Variants in SYT16 observed in about 807,000 individuals in gnomAD.
SYT16 encodes synaptotagmin-16.
SYT16 carries 42 observed loss-of-function variants against 61.4 expected under a neutral mutation model. That is an observed-to-expected ratio of 0.68 (90% confidence interval 0.53 to 0.89). The LOEUF (loss-of-function observed/expected upper bound fraction) is 0.89, where lower values mean the gene tolerates loss of function less well. SYT16 is among the 40% of genes least tolerant of loss of function. The pLI is 0.00. For synonymous variants in SYT16, 314 were observed against 302.3 expected, an observed-to-expected ratio of 1.04 and a Z score of -0.40; for missense variants, 804 against 807.3, an observed-to-expected ratio of 1.00 and a Z score of 0.05.
intron 7 of SYT16, among the ~76,000 whole-genome samples, chr14:62,092,820 C>T (rs2057136447): frequency 1.3e-5 from 2 of 151,694 alleles, no homozygotes; most frequent in African/African-American, 4.8e-5. Context: ...TGATTTTGTA[C>T]AACATTATGA....
At position 61,996,485 on chromosome 14, in the gene SYT16, C is replaced by A. The variant is rs759843963; in HGVS notation, c.466C>A (p.His156Asn). 44 of 1,613,034 alleles carry A rather than the reference C, an allele frequency of 2.7e-5. No individual in the cohort carries two copies. Among genetic ancestry groups the A allele is most frequent in the Non-Finnish European group, 3.6e-5 (43 of 1,179,448 alleles). ...TGAAAAGCAAAGAAGTGGCCTTCAA[C>A]ATGGCTTTGACAGCCAGCTCCCTGG... The part of the protein sequence containing the change: ...HLEKQRSGLQ[H>N]GFDSQLPGTL... Residue 156 changes from histidine (H) to asparagine (N), a missense_variant, in exon 3 of 8, where the codon CAT (histidine) becomes AAT (asparagine). His to Asn is a moderately conservative substitution (Grantham distance 68). Transcript: ENST00000683842.
At chr14:61,852,175 A>G (rs917685562) in intron 1 of SYT16, among the ~76,000 whole-genome samples, 1 of 151,340 alleles carries the variant, frequency 6.6e-6, no homozygotes, top group Non-Finnish European at 1.5e-5. Context: ...TAAATAGGGA[A>G]TCCTTTCCCC....
At chr14:62,016,132 A>G (rs1595162490) in intron 3 of SYT16, among the ~76,000 whole-genome samples, 1 of 152,264 alleles carries the variant, frequency 6.6e-6, no homozygotes, top group Non-Finnish European at 1.5e-5. Context: ...CCTCCTGAGC[A>G]TGCTCCAGGA....
At chr14:61,834,671 A>C (rs1165863937) in intron 1 of SYT16, among the ~76,000 whole-genome samples, 1 of 151,800 alleles carries the variant, frequency 6.6e-6, no homozygotes, top group Non-Finnish European at 1.5e-5. Flanking sequence ...TCCTGACCTC[A>C]GGTGATCTGC....
intron 1 of SYT16, among the ~76,000 whole-genome samples, chr14:61,850,005 A>G (rs1159497761): frequency 6.6e-6 from 1 of 152,106 alleles, no homozygotes; most frequent in East Asian, 1.9e-4. Flanking sequence ...ATTCCCACCA[A>G]CAATATGAGT....
At chr14:61,826,368 A>T (rs1270442194) in intron 1 of SYT16, among the ~76,000 whole-genome samples, 1 of 152,134 alleles carries the variant, frequency 6.6e-6, no homozygotes, top group Admixed American at 6.5e-5. Context: ...GGTGTCAGGA[A>T]TAGAGTGTTT....
At chr14:61,977,807 A>C (rs2051883270) in intron 2 of SYT16, among the ~76,000 whole-genome samples, 1 of 152,184 alleles carries the variant, frequency 6.6e-6, no homozygotes, top group Non-Finnish European at 1.5e-5. Context: ...GGGATGTATT[A>C]GTTTCCTATG....
chr14:62,081,871 A>C (rs371707430), intron 6 of SYT16, among the ~76,000 whole-genome samples: 25 of 152,290 alleles, frequency 1.6e-4, no homozygotes, highest in African/African-American at 4.1e-4. Context: ...AAACCACGTT[A>C]ACAGATCAGG....
intron 1 of SYT16, among the ~76,000 whole-genome samples, chr14:61,886,178 A>G (rs905473672): frequency 6.6e-6 from 1 of 151,782 alleles, no homozygotes; most frequent in Non-Finnish European, 1.5e-5. Flanking sequence ...GTTGGCCAGG[A>G]TGGTCTCGAT....
chr14:62,062,131 G>A (rs1054690407), intron 3 of SYT16, among the ~76,000 whole-genome samples: 3 of 152,118 alleles, frequency 2.0e-5, no homozygotes, highest in Non-Finnish European at 4.4e-5. Context: ...AAGTGCCATC[G>A]CTTTGTTCCT....
chr14:62,084,093 A>G (rs920848510), intron 6 of SYT16, 103 bp from the exon 7 acceptor site: 3 of 1,392,110 alleles, frequency 2.2e-6, no homozygotes, highest in African/African-American at 1.5e-5. Flanking sequence ...TTTGGCAGTC[A>G]TTGGGGATTG....
rs909305331 is a variant in SYT16, at chr14:61,991,159, C to T, written c.-144-4717C>T. On this transcript the variant is annotated intron_variant, in intron 2 of 7. Coordinates refer to ENST00000683842, the MANE Select transcript of SYT16 (RefSeq NM_001367656.1). ...TAGAAGCTTGTATGGTAAACACACACACACACATACACACACACCATCTTT... is the reference window on the plus strand; with the variant it reads ...TAGAAGCTTGTATGGTAAACACACATACACACATACACACACACCATCTTT... Among the ~76,000 whole-genome samples, 3 of 152,128 alleles carry T rather than the reference C, an allele frequency of 2.0e-5. 1 individual carries two copies. Among genetic ancestry groups the T allele is most frequent in the Admixed American group, 2.0e-4 (3 of 15,262 alleles).
intron 1 of SYT16, among the ~76,000 whole-genome samples, chr14:61,824,190 G>A (rs937902802): frequency 4.6e-5 from 7 of 151,940 alleles, no homozygotes; most frequent in Admixed American, 3.9e-4. Context: ...TTCAGAATCC[G>A]TCACTCATTT....
At position 62,101,298 on chromosome 14, in the gene SYT16, C is replaced by CT; in HGVS notation, c.*595dup. ...ATAAATTTGTATTAATTAAATACCT[C>CT]TTTTATCTTATATTTTGTGGTTTCT... On this transcript the variant is annotated 3_prime_UTR_variant, in exon 8 of 8. Coordinates refer to ENST00000683842, the MANE Select transcript of SYT16 (RefSeq NM_001367656.1). The CT allele has an allele frequency of 6.6e-6, 1 of 152,038 alleles. No homozygotes were observed. The highest frequency in any genetic ancestry group is 1.9e-4 in the East Asian group (1 of 5,198). The allele number at this position is 152,038 out of a possible 1,614,324, so 9.4% of individuals were successfully genotyped here.
rs186879950 is a variant in SYT16 at position 62,011,078 on chromosome 14, T to C, written c.523+14536T>C. 2.1e-4 allele frequency among the ~76,000 whole-genome samples: 32 copies of C among 152,310 alleles called. No individual in the cohort carries two copies. The East Asian group carries it at 6.0e-3, about 28-fold the overall frequency. On this transcript the variant is annotated intron_variant, in intron 3 of 7. Transcript: ENST00000683842. Reference sequence around the variant, plus strand: ...AAAGTGACATAGAGGCAATATTGCTTATGTCCCAGAAACCATGCTATTTAC... The same window carrying C: ...AAAGTGACATAGAGGCAATATTGCTCATGTCCCAGAAACCATGCTATTTAC...
chr14:61,979,621 T>A (rs905687789), intron 2 of SYT16, among the ~76,000 whole-genome samples: 1 of 152,214 alleles, frequency 6.6e-6, no homozygotes, highest in Non-Finnish European at 1.5e-5. Context: ...TGGTGGCTCA[T>A]GCCTGTAATC....
At chr14:62,038,978 G>T (rs2140839294) in intron 3 of SYT16, among the ~76,000 whole-genome samples, 1 of 152,288 alleles carries the variant, frequency 6.6e-6, no homozygotes, top group Non-Finnish European at 1.5e-5. Flanking sequence ...GCAAGGCAGG[G>T]ATTATTATTC....
chr14:61,845,039 CTTT>C (rs35131511), intron 1 of SYT16, among the ~76,000 whole-genome samples: 109 of 97,610 alleles, frequency 1.1e-3, no homozygotes, highest in African/African-American at 4.4e-3. Flanking sequence ...TACTAGAAGA[CTTT>C]TTTTTTTTTT....
At chr14:61,883,781 A>T (rs1022775355) in intron 1 of SYT16, among the ~76,000 whole-genome samples, 1 of 152,220 alleles carries the variant, frequency 6.6e-6, no homozygotes, top group Non-Finnish European at 1.5e-5. Flanking sequence ...TAAAGGAAAG[A>T]GATTTAACTG....
Sources: gnomAD v4.1 joint callset for allele counts (sites outside exome capture counted in the v4.1 genomes callset) on GRCh38, gnomAD v4.1.1 for gene constraint, MANE v1.5 for transcripts, NCBI Gene and HGNC (gene_info 2026-07-23, HGNC 2026-07-21) for gene names.